The following PCDH11X variants were observed in gnomAD, a reference collection of about 807,000 sequenced individuals.
The protein encoded by PCDH11X is protocadherin-11 X-linked.
In PCDH11X, 18 loss-of-function variants were observed where a neutral mutation model predicts 53.3. That is an observed-to-expected ratio of 0.34 (90% CI 0.23 to 0.50). The LOEUF is 0.50. Among genes scored for constraint, PCDH11X ranks in the 20% least tolerant of loss-of-function variants. The pLI, the probability that PCDH11X is intolerant of heterozygous loss-of-function variation, is 0.98. For missense variants in PCDH11X, 570 were observed against 1,032.4 expected (o/e 0.55, Z 6.14); for synonymous variants, 279 against 393.3 (o/e 0.71, Z 3.44).
At chrX:92,292,728 G>A (rs1255930033) in intron 8 of PCDH11X, among the ~76,000 whole-genome samples, 19 of 111,953 alleles carry the variant, frequency 1.7e-4, no homozygotes, top group Middle Eastern at 9.3e-3. Flanking sequence ...TTACTATTGG[G>A]AACAATAGAC....
chrX:92,363,139 T>G (rs2070385179), intron 8 of PCDH11X, among the ~76,000 whole-genome samples: 1 of 111,446 alleles, frequency 9.0e-6, no homozygotes, highest in African/African-American at 3.2e-5. Context: ...ATTGCAGGTC[T>G]CTTGAAATTC....
intron 8 of PCDH11X, among the ~76,000 whole-genome samples, chrX:92,363,202 T>A (rs1208438975): frequency 9.0e-6 from 1 of 111,265 alleles, no homozygotes; most frequent in Admixed American, 9.6e-5. Flanking sequence ...CCTTTTAGAT[T>A]TTGATAGATA....
chrX:91,983,153 C>T, intron 6 of PCDH11X: 1 of 959,217 alleles, frequency 1.0e-6, no homozygotes, highest in Non-Finnish European at 1.5e-6. Flanking sequence ...CCTGCTTGTA[C>T]CCTGTCTTGA....
At chrX:92,404,158 G>C (rs1170941220) in intron 9 of PCDH11X, among the ~76,000 whole-genome samples, 2 of 105,742 alleles carry the variant, frequency 1.9e-5, no homozygotes, top group African/African-American at 7.0e-5. Context: ...ACTCTCACAG[G>C]AATCAAAAGT....
intron 9 of PCDH11X, among the ~76,000 whole-genome samples, chrX:92,407,682 T>C (rs2071550751): frequency 9.2e-6 from 1 of 109,118 alleles, no homozygotes; most frequent in Non-Finnish European, 1.9e-5. Flanking sequence ...TAATCAGATA[T>C]GTGTATGGCA....
At chrX:92,558,065 A>T (rs2075073028) in intron 10 of PCDH11X, among the ~76,000 whole-genome samples, 1 of 111,336 alleles carries the variant, frequency 9.0e-6, no homozygotes, top group African/African-American at 3.3e-5. Context: ...CACCCTCATG[A>T]TTCAATTATC....
chrX:91,846,510 C>T (rs757519365), intron 5 of PCDH11X, among the ~76,000 whole-genome samples: 2 of 109,024 alleles, frequency 1.8e-5, no homozygotes, highest in South Asian at 8.0e-4. Flanking sequence ...CCCAGCTACT[C>T]CGGAGGCTGA....
rs189539066 is a variant in PCDH11X at position 92,267,165 on chromosome X, G to A, written c.3144+4022G>A. On this transcript the variant is annotated intron_variant, in intron 8 of 10. Transcript: ENST00000682573. The stretch of plus-strand genomic sequence containing the variant: ...CAATCTACCAGCTTTCCCTTATTTA[G>A]CATTAACCTGAACATTTCCATGTAG... Among the ~76,000 whole-genome samples the A allele has an allele frequency of 3.8e-3, 420 of 111,757 alleles. 2 individuals carry two copies. The highest frequency in any genetic ancestry group is 6.5e-3 in the Admixed American group (68 of 10,522).
intron 7 of PCDH11X, among the ~76,000 whole-genome samples, chrX:92,256,341 C>T (rs1393171856): frequency 9.0e-6 from 1 of 111,410 alleles, no homozygotes; most frequent in Non-Finnish European, 1.9e-5. Context: ...CACCCACTGT[C>T]TGGCACTCCC....
chrX:92,329,731 G>A (rs942811006), intron 8 of PCDH11X, among the ~76,000 whole-genome samples: 13 of 111,345 alleles, frequency 1.2e-4, no homozygotes, highest in Non-Finnish European at 1.7e-4. Context: ...GGCACAGAAA[G>A]ACAAACTTCA....
rs757600185 is a variant in PCDH11X, at chrX:92,306,905, G to A, written c.3144+43762G>A. Among the ~76,000 whole-genome samples, 685 of 111,104 alleles carry A rather than the reference G, an allele frequency of 6.2e-3. 3 individuals are homozygous for A. The highest frequency in any genetic ancestry group is 0.021 in the African/African-American group (649 of 30,607). ...GTGGAGGTTGCAGTGAGCCAAGATC[G>A]TGCCACTGCACTCCAGCCTGGGCAA... On this transcript the variant is annotated intron_variant, in intron 8 of 10. Coordinates refer to ENST00000682573, the MANE Select transcript of PCDH11X (RefSeq NM_032968.5).
At chrX:91,829,175 A>G (rs1157326932) in intron 4 of PCDH11X, among the ~76,000 whole-genome samples, 1 of 110,301 alleles carries the variant, frequency 9.1e-6, no homozygotes, top group Non-Finnish European at 1.9e-5. Flanking sequence ...TAATTTAAAC[A>G]CTAATATGAT....
At chrX:92,163,792 C>T (rs113792787) in intron 6 of PCDH11X, among the ~76,000 whole-genome samples, 6,109 of 111,138 alleles carry the variant, frequency 0.055, 453 homozygotes, top group African/African-American at 0.19. Context: ...CAAAGGTTCA[C>T]GATGCAGGTC....
intron 6 of PCDH11X, among the ~76,000 whole-genome samples, chrX:92,044,892 A>G (rs1215639001): frequency 1.0e-5 from 1 of 98,632 alleles, no homozygotes; most frequent in Non-Finnish European, 2.0e-5. Flanking sequence ...CTTTATTTGC[A>G]TCAAATAATG....
chrX:92,231,041 A>G (rs1473524548), intron 7 of PCDH11X, among the ~76,000 whole-genome samples: 4 of 111,525 alleles, frequency 3.6e-5, no homozygotes, highest in African/African-American at 1.3e-4. Flanking sequence ...TTCTTCACCA[A>G]CATCTGCGAG....
intron 9 of PCDH11X, among the ~76,000 whole-genome samples, chrX:92,464,154 A>G (rs2073109045): frequency 8.9e-6 from 1 of 111,819 alleles, no homozygotes; most frequent in African/African-American, 3.2e-5. Flanking sequence ...ATACAGGGAT[A>G]CATAATTAAT....
chrX:91,886,582 A>C (rs1210990254), intron 6 of PCDH11X, among the ~76,000 whole-genome samples: 1 of 109,813 alleles, frequency 9.1e-6, no homozygotes, highest in Non-Finnish European at 1.9e-5. Context: ...TAAATGTAAA[A>C]ATTATAAAAC....
chrX:91,914,606 G>A (rs1453076791), intron 6 of PCDH11X, among the ~76,000 whole-genome samples: 2 of 111,424 alleles, frequency 1.8e-5, no homozygotes, highest in African/African-American at 3.3e-5. Flanking sequence ...AATGCAAAAT[G>A]TAGTGGAAAC....
chrX:92,537,012 C>A (rs912825591), intron 10 of PCDH11X, among the ~76,000 whole-genome samples: 2 of 111,156 alleles, frequency 1.8e-5, no homozygotes, highest in Non-Finnish European at 3.8e-5. Flanking sequence ...ATATCTACTC[C>A]AATCTATTGC....
Sources: gnomAD v4.1 joint callset for allele counts (sites outside exome capture counted in the v4.1 genomes callset) on GRCh38, gnomAD v4.1.1 for gene constraint, MANE v1.5 for transcripts, NCBI Gene and HGNC (gene_info 2026-07-23, HGNC 2026-07-21) for gene names.